Variants in CEP120 observed in about 807,000 individuals in gnomAD.
CEP120 encodes the protein centrosomal protein of 120 kDa.
A neutral mutation model predicts 126.5 loss-of-function variants in CEP120; 113 were observed. The ratio of observed to expected loss-of-function variants is 0.89; its 90% confidence interval spans 0.77 to 1.04. The LOEUF (loss-of-function observed/expected upper bound fraction) is 1.04. CEP120 is among the 50% of genes least tolerant of loss of function. CEP120 has a pLI of 0.00. For missense variants in CEP120, 1,230 were observed against 1,155.7 expected (o/e 1.06, Z -0.93); for synonymous variants, 400 against 394.3 (o/e 1.01, Z -0.17).
chr5:123,397,332 T>C (rs1772854468), intron 5 of CEP120, among the ~76,000 whole-genome samples: 1 of 151,734 alleles, frequency 6.6e-6, no homozygotes, highest in Admixed American at 6.6e-5. Flanking sequence ...CTCAAAAAAA[T>C]AAAAATAAAA....
In CEP120 at chr5:123,389,119, T is replaced by C. The variant is rs985739870; in HGVS notation, c.1256-513A>G. ...TCACACAGCCACTCAGTGACAGAGATGTAACTTACAGCAAAGACATCTAAC... is the reference window on the plus strand; with the variant it reads ...TCACACAGCCACTCAGTGACAGAGACGTAACTTACAGCAAAGACATCTAAC... On this transcript the variant is annotated intron_variant, in intron 8 of 19. Coordinates refer to ENST00000306467, the MANE Select transcript of CEP120 (RefSeq NM_001375405.1). 3.9e-5 allele frequency among the ~76,000 whole-genome samples: 6 copies of C among 152,332 alleles called. No homozygotes were observed. In the South Asian group the frequency reaches 1.0e-3, roughly 26 times the overall value.
chr5:123,392,169 C>A (rs1024335065), intron 6 of CEP120, among the ~76,000 whole-genome samples: 1 of 151,908 alleles, frequency 6.6e-6, no homozygotes, highest in Non-Finnish European at 1.5e-5. Flanking sequence ...TTTTTATGGG[C>A]TGGAAAAAAA....
intron 4 of CEP120, among the ~76,000 whole-genome samples, 177 bp from the exon 5 acceptor site, chr5:123,399,461 A>G (rs774686647): frequency 1.3e-5 from 2 of 152,222 alleles, no homozygotes; most frequent in Non-Finnish European, 2.9e-5. Flanking sequence ...CTTAACCAGC[A>G]TTGTCTTTCT....
chr5:123,382,767 C>T lies in CEP120; in HGVS notation c.1983G>A (p.Lys661=), dbSNP rs748630636. The change falls in exon 13 of 20, where the codon AAG becomes AAA. Residue 661 remains lysine, a synonymous_variant. Coordinates refer to ENST00000306467, the MANE Select transcript of CEP120 (RefSeq NM_001375405.1). ...TTTCAAATATATCTTCTTGCATCTC[C>T]TTCCACATTTCTAGCTCAAGTGCTG... The part of the protein sequence containing the change: ...YKAALELEMW[K]EMQEDIFENQ... 1 of 1,612,526 alleles carries T rather than the reference C, an allele frequency of 6.2e-7. No homozygotes were observed. The highest frequency in any genetic ancestry group is 8.5e-7 in the Non-Finnish European group (1 of 1,179,418).
intron 7 of CEP120, 178 bp from the exon 8 acceptor site, chr5:123,390,318 G>T (rs1366787413): frequency 3.0e-6 from 2 of 674,976 alleles, no homozygotes; most frequent in South Asian, 3.0e-5. Flanking sequence ...GAAAAAGGAA[G>T]ATGAACAGAG....
intron 9 of CEP120, among the ~76,000 whole-genome samples, chr5:123,388,081 C>G (rs1004921810): frequency 1.1e-5 from 1 of 93,000 alleles, no homozygotes; most frequent in Non-Finnish European, 2.3e-5. Flanking sequence ...TTATTTTGAC[C>G]AGTAATACTT....
In CEP120 at chr5:123,412,544, G is replaced by A; in HGVS notation, c.322-4C>T. ...GCAACTGGTACCATTTTGGTGCCTA[G>A]AGAATAATAAAATAACAAAACACCT... On this transcript the variant is annotated splice_polypyrimidine_tract_variant and splice_region_variant and intron_variant, in intron 3 of 19. Transcript: ENST00000306467. 6.3e-7 allele frequency: 1 copy of A among 1,581,230 alleles called. No homozygotes were observed. The highest frequency in any genetic ancestry group is 8.6e-7 in the Non-Finnish European group (1 of 1,165,716).
chr5:123,381,835 A>G (rs533077997), intron 14 of CEP120, among the ~76,000 whole-genome samples: 2 of 151,900 alleles, frequency 1.3e-5, no homozygotes, highest in South Asian at 2.1e-4. Flanking sequence ...GCCTCAAGCA[A>G]TCCTCCCTCA....
Position 123,382,137 on chromosome 5 carries a change from C to T in CEP120, c.2077G>A (p.Glu693Lys). ...TTTTTCTTTACTAGTGATTCTCTTTCTCGGTCCCTTTTCTTCCATTCCTCT... is the reference window on the plus strand; with the variant it reads ...TTTTTCTTTACTAGTGATTCTCTTTTTCGGTCCCTTTTCTTCCATTCCTCT... ...LAEEWKKRDRERESLVKKKVA... is the reference protein window; with the variant it reads ...LAEEWKKRDRKRESLVKKKVA... The change falls in exon 14 of 20, where the codon GAA (glutamate) becomes AAA (lysine). Residue 693 changes from glutamate to lysine, a missense_variant. Glu to Lys is a moderately conservative substitution (Grantham distance 56). Transcript: ENST00000306467. 1 of 1,607,654 alleles carries T rather than the reference C, an allele frequency of 6.2e-7. No individual in the cohort carries two copies. Among genetic ancestry groups the T allele is most frequent in the Non-Finnish European group, 8.5e-7 (1 of 1,176,680 alleles).
At chr5:123,374,432 A>T (rs1771062902) in intron 16 of CEP120, among the ~76,000 whole-genome samples, 2 of 152,168 alleles carry the variant, frequency 1.3e-5, no homozygotes, top group Admixed American at 6.5e-5. Flanking sequence ...CTCTTAGAAC[A>T]GTTTCAAAAA....
intron 3 of CEP120, among the ~76,000 whole-genome samples, chr5:123,414,467 A>C (rs1046517232): frequency 6.6e-6 from 1 of 152,202 alleles, no homozygotes; most frequent in Admixed American, 6.5e-5. Context: ...CAGCAGCAAA[A>C]ATATTAGTAA....
Position 123,386,568 on chromosome 5 carries a change from AC to A in CEP120, c.1529del (p.Cys510LeufsTer17). The part of the protein sequence containing the change: ...NMEVFLPQSY[C>X]AFDFATMPHQ... ...GAGGCATAGTTGCAAAATCAAATGC[AC>A]AGTAAGACTGGGGAAGAAAAACTTC... On this transcript the variant is annotated frameshift_variant, in exon 10 of 20. Transcript: ENST00000306467. LOFTEE classifies it high-confidence loss of function. 1 of 1,592,582 alleles carries A rather than the reference AC, an allele frequency of 6.3e-7. No individual in the cohort carries two copies. Among genetic ancestry groups the A allele is most frequent in the Non-Finnish European group, 8.5e-7 (1 of 1,170,084 alleles).
At chr5:123,403,714 G>T (rs760178063) in intron 4 of CEP120, 1 of 423,584 alleles carries the variant, frequency 2.4e-6, no homozygotes, top group Non-Finnish European at 4.6e-6. Flanking sequence ...GCAATGGGAA[G>T]AACGTGGCAT....
chr5:123,348,654 TATA>T (rs1409053056), intron 19 of CEP120, among the ~76,000 whole-genome samples: 3 of 152,342 alleles, frequency 2.0e-5, no homozygotes, highest in African/African-American at 7.2e-5. Context: ...TACATGGAGA[TATA>T]ATAAGATACT....
intron 9 of CEP120, among the ~76,000 whole-genome samples, chr5:123,387,024 A>G (rs1772078992): frequency 2.6e-5 from 4 of 152,134 alleles, no homozygotes; most frequent in Non-Finnish European, 1.5e-5. Flanking sequence ...ATTCATGGTA[A>G]TCTGGTAATT....
At position 123,422,437 on chromosome 5, in the gene CEP120, A is replaced by G. The variant is rs543861608; in HGVS notation, c.49+513T>C. 11 of 1,381,750 alleles carry G rather than the reference A, an allele frequency of 8.0e-6. No homozygotes were observed. In the South Asian group the frequency reaches 1.2e-4, roughly 15 times the overall value. The allele number at this position is 1,381,750 out of a possible 1,614,324, so 85.6% of individuals were successfully genotyped here. On this transcript the variant is annotated intron_variant, in intron 1 of 19. Coordinates refer to ENST00000306467, the MANE Select transcript of CEP120 (RefSeq NM_001375405.1). ...AGTGTCTGACACTCAATGAGTCCCAATAAACCAATGTCATTCATCCAAAAC... is the reference window on the plus strand; with the variant it reads ...AGTGTCTGACACTCAATGAGTCCCAGTAAACCAATGTCATTCATCCAAAAC...
At chr5:123,379,314 A>G (rs553850140) in intron 14 of CEP120, among the ~76,000 whole-genome samples, 1 of 152,090 alleles carries the variant, frequency 6.6e-6, no homozygotes, top group African/African-American at 2.4e-5. Context: ...TTTTATACAT[A>G]TTGCTTTCCT....
intron 18 of CEP120, among the ~76,000 whole-genome samples, chr5:123,356,496 G>A (rs967929735): frequency 6.6e-5 from 10 of 151,760 alleles, no homozygotes; most frequent in African/African-American, 2.4e-4. Context: ...GTCTTTAATG[G>A]GAGCATTTGG....
chr5:123,368,824 G>T (rs1253858806), intron 17 of CEP120, among the ~76,000 whole-genome samples: 1 of 151,844 alleles, frequency 6.6e-6, no homozygotes, highest in African/African-American at 2.4e-5. Context: ...ACAACAGAGT[G>T]AATTCAAAAT....
Sources: gnomAD v4.1 joint callset for allele counts (sites outside exome capture counted in the v4.1 genomes callset) on GRCh38, gnomAD v4.1.1 for gene constraint, MANE v1.5 for transcripts, NCBI Gene and HGNC (gene_info 2026-07-23, HGNC 2026-07-21) for gene names.